AGBL1: variants seen among roughly 807,000 people sequenced by gnomAD.
AGBL1 encodes the protein cytosolic carboxypeptidase 4.
A neutral mutation model predicts 118.9 loss-of-function variants in AGBL1; 130 were observed. The observed-to-expected ratio is 1.09, with a 90% CI of 0.95 to 1.26. AGBL1 has a LOEUF of 1.26. Ranked by LOEUF, AGBL1 falls within the 50% of genes most tolerant of loss-of-function variation. The pLI is 0.00. For synonymous variants in AGBL1, 555 were observed against 478.9 expected, an observed-to-expected ratio of 1.16 and a Z score of -2.08; for missense variants, 1,584 against 1,298.1, an observed-to-expected ratio of 1.22 and a Z score of -3.38.
intron 23 of AGBL1, among the ~76,000 whole-genome samples, chr15:86,956,316 TGATA>T (rs143495748): frequency 0.016 from 2,504 of 151,844 alleles, 66 homozygotes; most frequent in African/African-American, 0.058. Flanking sequence ...TATAGGTAGA[TGATA>T]GATAGATGGA....
At chr15:86,405,757 CTT>C (rs1443437077) in intron 18 of AGBL1, among the ~76,000 whole-genome samples, 2 of 151,652 alleles carry the variant, frequency 1.3e-5, no homozygotes, top group South Asian at 2.1e-4. Context: ...AAAAATAAGA[CTT>C]AATATAAGGA....
intron 22 of AGBL1, among the ~76,000 whole-genome samples, chr15:86,736,463 A>T (rs1185927072): frequency 6.6e-6 from 1 of 152,154 alleles, no homozygotes; most frequent in Non-Finnish European, 1.5e-5. Context: ...CATTTAATTC[A>T]CATAACAACT....
intron 17 of AGBL1, among the ~76,000 whole-genome samples, chr15:86,357,595 AG>A (rs2080740910): frequency 6.6e-6 from 1 of 152,114 alleles, no homozygotes; most frequent in African/African-American, 2.4e-5. Context: ...TCCTGGATTC[AG>A]TCCTCTCTTT....
chr15:86,095,589 G>A (rs1167505719), intron 1 of AGBL1, among the ~76,000 whole-genome samples: 2 of 151,192 alleles, frequency 1.3e-5, no homozygotes, highest in South Asian at 2.1e-4. Context: ...CAGGAACTGG[G>A]GATGAAGACC....
chr15:86,104,287 G>T (rs1204248640), intron 1 of AGBL1, among the ~76,000 whole-genome samples: 2 of 152,204 alleles, frequency 1.3e-5, no homozygotes, highest in Non-Finnish European at 2.9e-5. Context: ...TAGGGTCCCA[G>T]TGGAATGTTT....
chr15:86,386,527 T>C (rs902115245), intron 17 of AGBL1, among the ~76,000 whole-genome samples: 1 of 151,588 alleles, frequency 6.6e-6, no homozygotes, highest in African/African-American at 2.4e-5. Flanking sequence ...TGGCACGTGG[T>C]ACCCTTTTCC....
At chr15:86,811,514 C>T (rs2078788829) in intron 22 of AGBL1, among the ~76,000 whole-genome samples, 1 of 152,166 alleles carries the variant, frequency 6.6e-6, no homozygotes, top group African/African-American at 2.4e-5. Context: ...TCCCAATGTT[C>T]CAACAGGCTT....
At chr15:86,549,035 G>A (rs1414203492) in intron 20 of AGBL1, among the ~76,000 whole-genome samples, 1 of 151,936 alleles carries the variant, frequency 6.6e-6, no homozygotes, top group Non-Finnish European at 1.5e-5. Flanking sequence ...ACTCATTATT[G>A]CAACGACAGC....
chr15:86,689,819 C>T (rs1288772161), intron 22 of AGBL1, among the ~76,000 whole-genome samples: 7 of 152,026 alleles, frequency 4.6e-5, no homozygotes, highest in African/African-American at 1.4e-4. Context: ...ATGGATGATA[C>T]TAAAAAGATA....
chr15:86,499,519 C>A (rs1040161207), intron 18 of AGBL1, among the ~76,000 whole-genome samples: 6 of 151,826 alleles, frequency 4.0e-5, no homozygotes, highest in African/African-American at 1.4e-4. Context: ...AGGATTACCA[C>A]AAAGAGGTTG....
At position 86,907,680 on chromosome 15, in the gene AGBL1, T is replaced by A. The variant is rs1419897829; in HGVS notation, c.*386T>A. The A allele has an allele frequency of 6.6e-6, 1 of 152,208 alleles. No homozygotes were observed. Among genetic ancestry groups the A allele is most frequent in the Non-Finnish European group, 1.5e-5 (1 of 68,054 alleles). The allele number at this position is 152,208 out of a possible 1,614,324, so 9.4% of individuals were successfully genotyped here. A position where few individuals can be genotyped will look rare whatever the true frequency, so the allele number is the denominator to read the frequency against. On this transcript the variant is annotated 3_prime_UTR_variant, in exon 23 of 23. Coordinates refer to ENST00000614907, the MANE Select transcript of AGBL1 (RefSeq NM_001386094.1). ...TTCTTCTTGGCTTCTCAGCCAGAAT[T>A]CTAAGTGGTTATTTAAGTTGTTCCA...
At chr15:86,441,912 A>G (rs1310167341) in intron 18 of AGBL1, among the ~76,000 whole-genome samples, 1 of 152,250 alleles carries the variant, frequency 6.6e-6, no homozygotes, top group African/African-American at 2.4e-5. Flanking sequence ...GGGAAGGATC[A>G]GAAGAACTTA....
At chr15:86,610,903 C>G (rs2084646059) in intron 21 of AGBL1, among the ~76,000 whole-genome samples, 1 of 152,114 alleles carries the variant, frequency 6.6e-6, no homozygotes, top group Admixed American at 6.6e-5. Context: ...AAAGTCTGCT[C>G]CCTGAACTTG....
chr15:86,643,389 TTCTCCTATTTTTAA>T (rs1435996683), intron 21 of AGBL1, among the ~76,000 whole-genome samples: 1 of 152,180 alleles, frequency 6.6e-6, no homozygotes, highest in Non-Finnish European at 1.5e-5. Context: ...CTACTTGCAA[TTCTCCTATTTTTAA>T]TCTCCTATAT....
chr15:86,517,342 C>G (rs1596214068), intron 18 of AGBL1, among the ~76,000 whole-genome samples: 1 of 152,200 alleles, frequency 6.6e-6, no homozygotes, highest in Non-Finnish European at 1.5e-5. Context: ...AATGCAGACT[C>G]AGGGTTGGGA....
chr15:86,271,836 T>C, intron 15 of AGBL1, 130 bp downstream of exon 15: 5 of 822,872 alleles, frequency 6.1e-6, no homozygotes, highest in Non-Finnish European at 9.9e-6. Context: ...CACTCTGTCC[T>C]AATGGCCAGT....
chr15:86,405,875 T>C (rs1009400690), intron 18 of AGBL1, among the ~76,000 whole-genome samples: 21 of 150,874 alleles, frequency 1.4e-4, no homozygotes, highest in Admixed American at 6.6e-5. Flanking sequence ...AGCTACCACC[T>C]GTAATAATGG....
chr15:86,785,758 G>A (rs74901003), intron 22 of AGBL1, among the ~76,000 whole-genome samples: 1 of 152,130 alleles, frequency 6.6e-6, no homozygotes, highest in Non-Finnish European at 1.5e-5. Flanking sequence ...CAGAAGTTAG[G>A]AGAAAATCAC....
chr15:86,861,361 G>A (rs2079557064), intron 22 of AGBL1, among the ~76,000 whole-genome samples: 2 of 152,160 alleles, frequency 1.3e-5, no homozygotes, highest in South Asian at 2.1e-4. Flanking sequence ...TCTTCAATGT[G>A]CTATGTTCTA....
Sources: gnomAD v4.1 joint callset for allele counts (sites outside exome capture counted in the v4.1 genomes callset) on GRCh38, gnomAD v4.1.1 for gene constraint, MANE v1.5 for transcripts, NCBI Gene and HGNC (gene_info 2026-07-23, HGNC 2026-07-21) for gene names.